The following PCDH15 variants were observed in gnomAD, a reference collection of about 807,000 sequenced individuals.
The protein encoded by PCDH15 is protocadherin related 15.
In PCDH15, 129 loss-of-function variants were observed where a neutral mutation model predicts 178.5. The observed-to-expected ratio is 0.72, with a 90% confidence interval of 0.63 to 0.84. The LOEUF (loss-of-function observed/expected upper bound fraction) is 0.84, where lower values mean the gene tolerates loss of function less well. Ranked by LOEUF, PCDH15 falls within the 40% of genes least tolerant of loss-of-function variation. The pLI is 0.00. For missense variants in PCDH15, 2,230 were observed against 2,099.9 expected, an observed-to-expected ratio of 1.06 and a Z score of -1.21; for synonymous variants, 800 against 732.0, an observed-to-expected ratio of 1.09 and a Z score of -1.50.
intron 19 of PCDH15, among the ~76,000 whole-genome samples, chr10:54,020,812 T>A (rs2092899033): frequency 6.6e-6 from 1 of 152,118 alleles, no homozygotes; most frequent in African/African-American, 2.4e-5. Context: ...TCTACTGATT[T>A]GATAATCATG....
At chr10:55,519,489 C>A (rs1318994176) in intron 2 of PCDH15, among the ~76,000 whole-genome samples, 1 of 151,956 alleles carries the variant, frequency 6.6e-6, no homozygotes, top group African/African-American at 2.4e-5. Context: ...AATTGTCATG[C>A]ATCTTGACTG....
At chr10:53,990,802 G>A (rs2091422136) in intron 21 of PCDH15, among the ~76,000 whole-genome samples, 1 of 152,044 alleles carries the variant, frequency 6.6e-6, no homozygotes, top group Admixed American at 6.5e-5. Flanking sequence ...CTTGCAGGGA[G>A]GTGTGGAGGG....
chr10:54,671,360 CA>C (rs928410732), intron 1 of PCDH15, among the ~76,000 whole-genome samples: 11 of 151,340 alleles, frequency 7.3e-5, no homozygotes, highest in East Asian at 1.9e-4. Flanking sequence ...AATCCATCAG[CA>C]AAAAAAATCC....
chr10:54,519,024 A>T (rs1672133730), intron 3 of PCDH15, among the ~76,000 whole-genome samples: 1 of 152,220 alleles, frequency 6.6e-6, no homozygotes, highest in African/African-American at 2.4e-5. Context: ...CTTCATGCTA[A>T]AAACTCTCAA....
intron 2 of PCDH15, among the ~76,000 whole-genome samples, chr10:55,438,117 G>A (rs1229453022): frequency 1.3e-5 from 2 of 151,784 alleles, no homozygotes; most frequent in East Asian, 1.9e-4. Context: ...GTACAGGCAT[G>A]AGCCCCTGCG....
intron 8 of PCDH15, among the ~76,000 whole-genome samples, chr10:54,284,665 T>A (rs187441374): frequency 3.2e-4 from 48 of 152,302 alleles, no homozygotes; most frequent in African/African-American, 1.1e-3. Context: ...GGCTTTTCTG[T>A]CCTTACAGAG....
intron 21 of PCDH15, among the ~76,000 whole-genome samples, chr10:53,985,602 G>A (rs2091039860): frequency 6.6e-6 from 1 of 152,030 alleles, no homozygotes; most frequent in African/African-American, 2.4e-5. Context: ...CTTCAAAACA[G>A]AATACTTGGG....
intron 3 of PCDH15, among the ~76,000 whole-genome samples, chr10:54,865,092 T>C (rs1282087641): frequency 2.0e-5 from 3 of 152,164 alleles, no homozygotes; most frequent in African/African-American, 7.2e-5. Flanking sequence ...AGATAGCTGG[T>C]AAAGTATTGT....
At chr10:53,820,028 T>C (rs2076200153) in intron 33 of PCDH15, 137 bp downstream of exon 33, 1 of 390,790 alleles carries the variant, frequency 2.6e-6, no homozygotes, top group East Asian at 3.6e-5. Flanking sequence ...AATATGTTTT[T>C]TGGACTTCTC....
chr10:55,399,501 T>C (rs1838012597), intron 2 of PCDH15, among the ~76,000 whole-genome samples: 1 of 152,162 alleles, frequency 6.6e-6, no homozygotes, highest in South Asian at 2.1e-4. Context: ...CAGGAAATAA[T>C]GACGACTAGG....
Position 55,290,368 on chromosome 10 carries a change from T to C in PCDH15, c.-156+29231A>G, listed in dbSNP as rs76715899. ...GATAATGTTTAGAGATCACCTCTGC[T>C]ATTGACAATAAAGGTATTGGGGTGA... On this transcript the variant is annotated intron_variant, in intron 1 of 5. Coordinates refer to the PCDH15 transcript ENST00000458638. Among the ~76,000 whole-genome samples, 236 of 150,478 alleles carry C rather than the reference T, an allele frequency of 1.6e-3. 5 individuals are homozygous for C. Among genetic ancestry groups the C allele is most frequent in the African/African-American group, 5.7e-3 (228 of 39,854 alleles).
At chr10:55,510,100 T>C (rs934949644) in intron 2 of PCDH15, among the ~76,000 whole-genome samples, 9 of 151,974 alleles carry the variant, frequency 5.9e-5, no homozygotes, top group Non-Finnish European at 1.5e-5. Flanking sequence ...TGTATTGTGG[T>C]CTGCTAGATA....
At chr10:55,474,554 G>C (rs1840026879) in intron 2 of PCDH15, among the ~76,000 whole-genome samples, 1 of 152,054 alleles carries the variant, frequency 6.6e-6, no homozygotes, top group East Asian at 1.9e-4. Flanking sequence ...CTCCAGCATG[G>C]CCTCAGATAT....
intron 1 of PCDH15, among the ~76,000 whole-genome samples, chr10:55,198,493 T>C (rs1840154116): frequency 6.6e-6 from 1 of 152,006 alleles, no homozygotes; most frequent in Non-Finnish European, 1.5e-5. Context: ...TTTATTTATT[T>C]TATTATTTTT....
intron 2 of PCDH15, among the ~76,000 whole-genome samples, chr10:54,580,377 A>G (rs1263286649): frequency 6.6e-6 from 1 of 152,100 alleles, no homozygotes; most frequent in African/African-American, 2.4e-5. Context: ...AAATTGATAC[A>G]TTCATGAAAA....
intron 8 of PCDH15, among the ~76,000 whole-genome samples, chr10:54,290,912 C>G (rs1168729990): frequency 6.6e-6 from 1 of 152,162 alleles, no homozygotes; most frequent in Non-Finnish European, 1.5e-5. Context: ...CCTTAGAGAC[C>G]TACAAAGAGA....
chr10:54,815,689 C>G (rs1183516777), intron 3 of PCDH15, among the ~76,000 whole-genome samples: 1 of 152,022 alleles, frequency 6.6e-6, no homozygotes, highest in Admixed American at 6.6e-5. Context: ...GCCGACAGTA[C>G]TCCCAGGCAA....
At chr10:54,134,869 A>G (rs1400750012) in intron 14 of PCDH15, among the ~76,000 whole-genome samples, 2 of 152,004 alleles carry the variant, frequency 1.3e-5, no homozygotes, top group Non-Finnish European at 2.9e-5. Flanking sequence ...TCATCAGTAG[A>G]TAGATACCAA....
At chr10:55,115,522 T>C (rs867116272) in intron 2 of PCDH15, among the ~76,000 whole-genome samples, 30 of 152,322 alleles carry the variant, frequency 2.0e-4, no homozygotes, top group African/African-American at 7.0e-4. Context: ...GTCATTTTGA[T>C]CTTGGCACTG....
Sources: gnomAD v4.1 joint callset for allele counts (sites outside exome capture counted in the v4.1 genomes callset) on GRCh38, gnomAD v4.1.1 for gene constraint, MANE v1.5 for transcripts, NCBI Gene and HGNC (gene_info 2026-07-23, HGNC 2026-07-21) for gene names.